PTPRM: variants seen among roughly 807,000 people sequenced by gnomAD.
PTPRM encodes the protein receptor-type tyrosine-protein phosphatase mu.
Under a neutral mutation model 186.7 loss-of-function variants are expected in PTPRM, and 47 were observed. That is an observed-to-expected ratio of 0.25 (90% CI 0.20 to 0.32). PTPRM has a LOEUF of 0.32. PTPRM is among the 10% of genes least tolerant of loss of function. PTPRM has a pLI of 1.00. For synonymous variants in PTPRM, 668 were observed against 674.9 expected (o/e 0.99, Z 0.16); for missense variants, 1,494 against 1,865.0 (o/e 0.80, Z 3.66).
intron 19 of PTPRM, among the ~76,000 whole-genome samples, chr18:8,263,206 T>C (rs1288645739): frequency 6.6e-6 from 1 of 152,112 alleles, no homozygotes; most frequent in Non-Finnish European, 1.5e-5. Context: ...TCTGCCGGGT[T>C]CAAGAGATTC....
At chr18:8,105,676 C>T (rs1177947608) in intron 11 of PTPRM, among the ~76,000 whole-genome samples, 1 of 151,650 alleles carries the variant, frequency 6.6e-6, no homozygotes, top group East Asian at 1.9e-4. Context: ...ATTCTCATTC[C>T]CAGGCCCCCA....
chr18:8,321,714 G>A (rs2095346919), intron 22 of PTPRM, among the ~76,000 whole-genome samples: 1 of 152,198 alleles, frequency 6.6e-6, no homozygotes, highest in Admixed American at 6.5e-5. Flanking sequence ...TCTCAAACTG[G>A]CAGTACTAAC....
chr18:7,799,795 A>G (rs2043857823), intron 2 of PTPRM, among the ~76,000 whole-genome samples: 1 of 152,196 alleles, frequency 6.6e-6, no homozygotes, highest in South Asian at 2.1e-4. Context: ...CTTCAGTTAC[A>G]AATTCTTTAA....
At chr18:8,266,363 CA>C (rs10678321) in intron 19 of PTPRM, among the ~76,000 whole-genome samples, 29 of 130,852 alleles carry the variant, frequency 2.2e-4, no homozygotes, top group East Asian at 4.4e-4. Flanking sequence ...TGCTACCACT[CA>C]AAAAAAAAAA....
At chr18:8,237,305 A>G (rs996368292) in intron 14 of PTPRM, among the ~76,000 whole-genome samples, 21 of 151,434 alleles carry the variant, frequency 1.4e-4, no homozygotes, top group African/African-American at 4.9e-4. Flanking sequence ...TACTTTTACT[A>G]ATTCCTTCTC....
chr18:8,086,873 T>G (rs935319471), intron 10 of PTPRM, among the ~76,000 whole-genome samples: 1 of 152,264 alleles, frequency 6.6e-6, no homozygotes, highest in South Asian at 2.1e-4. Flanking sequence ...GAGCACAAAC[T>G]TGACTTGAAA....
chr18:8,115,050 A>G (rs1157106417), intron 13 of PTPRM, among the ~76,000 whole-genome samples: 1 of 152,028 alleles, frequency 6.6e-6, no homozygotes, highest in Non-Finnish European at 1.5e-5. Context: ...AAGAAGCTAT[A>G]TTTCTGTGTT....
intron 7 of PTPRM, among the ~76,000 whole-genome samples, chr18:8,063,924 A>T (rs1022741944): frequency 6.6e-6 from 1 of 152,184 alleles, no homozygotes; most frequent in Non-Finnish European, 1.5e-5. Flanking sequence ...CCTAACATTC[A>T]ACATTACCTA....
chr18:8,248,035 C>A, intron 16 of PTPRM, 115 bp from the exon 17 acceptor site: 2 of 1,350,866 alleles, frequency 1.5e-6, no homozygotes, highest in Non-Finnish European at 2.1e-6. Flanking sequence ...GATGTTGTAA[C>A]CCAATGCGTT....
chr18:8,373,170 G>A (rs2095674099), intron 24 of PTPRM, among the ~76,000 whole-genome samples: 1 of 152,218 alleles, frequency 6.6e-6, no homozygotes, highest in South Asian at 2.1e-4. Context: ...TAGTACTTTT[G>A]TAGAGCATTT....
intron 1 of PTPRM, among the ~76,000 whole-genome samples, chr18:7,739,791 A>G (rs1238587388): frequency 6.6e-6 from 1 of 152,172 alleles, no homozygotes; most frequent in Non-Finnish European, 1.5e-5. Context: ...TCTATCACCT[A>G]TGCTGGTGGG....
At chr18:7,845,911 C>T (rs926253240) in intron 2 of PTPRM, among the ~76,000 whole-genome samples, 3 of 152,052 alleles carry the variant, frequency 2.0e-5, no homozygotes, top group African/African-American at 7.2e-5. Context: ...CCTTACTTCC[C>T]CCTCTGCCCA....
At chr18:7,620,793 A>G (rs555369014) in intron 1 of PTPRM, among the ~76,000 whole-genome samples, 2 of 152,284 alleles carry the variant, frequency 1.3e-5, no homozygotes, top group African/African-American at 4.8e-5. Context: ...TGTATTATAC[A>G]CTTCTGAGTG....
chr18:7,906,040 A>T (rs1174224943), intron 3 of PTPRM, among the ~76,000 whole-genome samples: 1 of 152,158 alleles, frequency 6.6e-6, no homozygotes, highest in East Asian at 1.9e-4. Context: ...AGGATCTCTC[A>T]CAAGCTCAAC....
chr18:7,613,401 G>A (rs79028355), intron 1 of PTPRM, among the ~76,000 whole-genome samples: 2,633 of 152,202 alleles, frequency 0.017, 81 homozygotes, highest in African/African-American at 0.06. Flanking sequence ...CCGGCCAGGC[G>A]CGGTGGCTCA....
At chr18:7,784,725 C>G (rs182310977) in intron 2 of PTPRM, among the ~76,000 whole-genome samples, 145 of 152,318 alleles carry the variant, frequency 9.5e-4, no homozygotes, top group Non-Finnish European at 1.6e-3. Flanking sequence ...TTAGTCTCTA[C>G]ATTTTTATTT....
intron 32 of PTPRM, among the ~76,000 whole-genome samples, chr18:8,399,500 G>A (rs1568912599): frequency 6.6e-6 from 1 of 152,148 alleles, no homozygotes; most frequent in Non-Finnish European, 1.5e-5. Flanking sequence ...CAACAAAGCT[G>A]TTGTTTTTTA....
chr18:8,262,447 GT>G (rs2094643499), intron 19 of PTPRM, among the ~76,000 whole-genome samples: 1 of 152,156 alleles, frequency 6.6e-6, no homozygotes, highest in South Asian at 2.1e-4. Flanking sequence ...TGTAATGCAG[GT>G]GCTTCCCACC....
At chr18:7,962,307 T>A (rs182768862) in intron 7 of PTPRM, among the ~76,000 whole-genome samples, 7 of 152,338 alleles carry the variant, frequency 4.6e-5, no homozygotes, top group Admixed American at 6.5e-5. Flanking sequence ...ATATGGAGGA[T>A]AAACAAAGGA....
Sources: gnomAD v4.1 joint callset for allele counts (sites outside exome capture counted in the v4.1 genomes callset) on GRCh38, gnomAD v4.1.1 for gene constraint, MANE v1.5 for transcripts, NCBI Gene and HGNC (gene_info 2026-07-23, HGNC 2026-07-21) for gene names.